Variants in GABRB3 observed in about 807,000 individuals in gnomAD.
The protein encoded by GABRB3 is gamma-aminobutyric acid type A receptor subunit beta3.
In GABRB3, 14 loss-of-function variants were observed where a neutral mutation model predicts 52.1. The ratio of observed to expected loss-of-function variants is 0.27; its 90% CI spans 0.18 to 0.42. The LOEUF (loss-of-function observed/expected upper bound fraction) is 0.42, where lower values mean the gene tolerates loss of function less well. Ranked by LOEUF, GABRB3 falls within the 10% of genes least tolerant of loss-of-function variation. GABRB3 has a pLI of 1.00. For missense variants in GABRB3, 307 were observed against 609.1 expected, an observed-to-expected ratio of 0.50 and a Z score of 5.22; for synonymous variants, 260 against 232.3, an observed-to-expected ratio of 1.12 and a Z score of -1.08.
At chr15:26,746,772 G>A (rs1174939013) in intron 3 of GABRB3, among the ~76,000 whole-genome samples, 1 of 152,036 alleles carries the variant, frequency 6.6e-6, no homozygotes, top group Non-Finnish European at 1.5e-5. Context: ...CAGATCACGA[G>A]GTCAGGAGAT....
rs189180243 is a variant in GABRB3, at chr15:26,604,221, A to G, written c.461+17093T>C. Among the ~76,000 whole-genome samples, 126 of 152,300 alleles carry G rather than the reference A, an allele frequency of 8.3e-4. No homozygotes were observed. In the East Asian group the frequency reaches 0.024, roughly 28 times the overall value. On this transcript the variant is annotated intron_variant, in intron 4 of 8. Coordinates refer to ENST00000311550, the MANE Select transcript of GABRB3 (RefSeq NM_000814.6). ...ATTACCTTAATCAAAGAAATGAAAG[A>G]TCTCTGCAATGAAAATTATAAAACA... is the stretch of plus-strand genomic sequence containing the variant.
chr15:26,645,673 A>G (rs1566789249), intron 3 of GABRB3, among the ~76,000 whole-genome samples: 1 of 152,206 alleles, frequency 6.6e-6, no homozygotes, highest in Non-Finnish European at 1.5e-5. Context: ...GCTTGGGTGC[A>G]GATGTTTGGA....
At chr15:26,638,153 C>T (rs559800927) in intron 3 of GABRB3, among the ~76,000 whole-genome samples, 1 of 152,160 alleles carries the variant, frequency 6.6e-6, no homozygotes, top group Non-Finnish European at 1.5e-5. Flanking sequence ...AGTCCCCATC[C>T]CTCATCAGCC....
intron 4 of GABRB3, among the ~76,000 whole-genome samples, chr15:26,599,971 TAG>T (rs1260467058): frequency 2.0e-5 from 3 of 151,560 alleles, no homozygotes; most frequent in East Asian, 1.9e-4. Context: ...TAAAACAATA[TAG>T]AGAGATAAAA....
Position 26,583,406 on chromosome 15 carries a change from G to A in GABRB3, c.470C>T (p.Thr157Met), listed in dbSNP as rs2140737885. The A allele has an allele frequency of 2.5e-6, 4 of 1,613,452 alleles. No individual in the cohort carries two copies. Among genetic ancestry groups the A allele is most frequent in the Non-Finnish European group, 2.5e-6 (3 of 1,179,506 alleles). ...GAGGTCCATCATGCATGCTGCTGTCGTGGTGATTCTGAAATACACAGGGTG... is the reference window on the plus strand; with the variant it reads ...GAGGTCCATCATGCATGCTGCTGTCATGGTGATTCTGAAATACACAGGGTG... ...GTVLYGLRIT[T>M]TAACMMDLRR... The change falls in exon 5 of 9, where the codon ACG becomes ATG. Residue 157 changes from threonine to methionine, a missense_variant. Physicochemically the swap from Thr to Met is moderately conservative, Grantham distance 81. Coordinates refer to ENST00000311550, the MANE Select transcript of GABRB3 (RefSeq NM_000814.6).
At chr15:26,687,161 A>T (rs943292043) in intron 3 of GABRB3, among the ~76,000 whole-genome samples, 1 of 152,166 alleles carries the variant, frequency 6.6e-6, no homozygotes, top group African/African-American at 2.4e-5. Context: ...ATGACTCTCC[A>T]CTGTGCTCCA....
intron 4 of GABRB3, among the ~76,000 whole-genome samples, chr15:26,607,657 T>C (rs1891887783): frequency 6.6e-6 from 1 of 151,976 alleles, no homozygotes; most frequent in African/African-American, 2.4e-5. Flanking sequence ...AAAACATTAA[T>C]AGTAGTGTTT....
intron 5 of GABRB3, among the ~76,000 whole-genome samples, chr15:26,582,648 C>T (rs927823516): frequency 6.6e-6 from 1 of 152,212 alleles, no homozygotes; most frequent in African/African-American, 2.4e-5. Flanking sequence ...CTTCTTACCA[C>T]AATTGTTTCA....
intron 3 of GABRB3, among the ~76,000 whole-genome samples, chr15:26,733,466 A>G (rs1390292253): frequency 6.6e-6 from 1 of 152,210 alleles, no homozygotes; most frequent in Non-Finnish European, 1.5e-5. Context: ...AAAGACATGT[A>G]CAATAAAAAC....
At chr15:26,576,015 A>G (rs1328687625) in intron 6 of GABRB3, among the ~76,000 whole-genome samples, 4 of 152,268 alleles carry the variant, frequency 2.6e-5, no homozygotes, top group Admixed American at 2.6e-4. Context: ...CAAAAACTGT[A>G]TATCCCACAT....
chr15:26,573,836 A>T lies in GABRB3; in HGVS notation c.683-6103T>A, dbSNP rs186507811. 2.6e-5 allele frequency among the ~76,000 whole-genome samples: 4 copies of T among 152,116 alleles called. No homozygotes were observed. The East Asian group carries it at 7.7e-4, about 29-fold the overall frequency. On this transcript the variant is annotated intron_variant, in intron 6 of 8. Transcript: ENST00000311550. ...AGGCCAGGGCGGGAGGATTGCTTGA[A>T]CCCAGGAGTTCAAGACCAGCCTGGG...
At chr15:26,765,320 A>C (rs1459857718) in intron 3 of GABRB3, among the ~76,000 whole-genome samples, 1 of 152,088 alleles carries the variant, frequency 6.6e-6, no homozygotes, top group East Asian at 1.9e-4. Flanking sequence ...TCTGCTTTGA[A>C]ATTAGCATAA....
At chr15:26,742,832 T>C (rs562557799) in intron 3 of GABRB3, among the ~76,000 whole-genome samples, 1 of 152,172 alleles carries the variant, frequency 6.6e-6, no homozygotes, top group South Asian at 2.1e-4. Context: ...CCAAAAGTTA[T>C]AATTCCAATT....
chr15:26,683,776 G>T (rs1327387362), intron 3 of GABRB3, among the ~76,000 whole-genome samples: 2 of 152,038 alleles, frequency 1.3e-5, no homozygotes, highest in African/African-American at 4.8e-5. Flanking sequence ...AACTATATAG[G>T]ATTATACACT....
chr15:26,701,315 C>A (rs945345977), intron 3 of GABRB3, among the ~76,000 whole-genome samples: 1 of 152,168 alleles, frequency 6.6e-6, no homozygotes, highest in Non-Finnish European at 1.5e-5. Flanking sequence ...TGGGGCAACA[C>A]TGTCTTTATT....
chr15:26,563,559 C>A (rs1190163730), intron 7 of GABRB3, among the ~76,000 whole-genome samples: 2 of 152,210 alleles, frequency 1.3e-5, no homozygotes, highest in African/African-American at 4.8e-5. Flanking sequence ...GGGTCTGTAG[C>A]CATCATTTCG....
intron 3 of GABRB3, among the ~76,000 whole-genome samples, chr15:26,760,809 G>GCGCA (rs371524450): frequency 1.3e-5 from 2 of 149,286 alleles, no homozygotes; most frequent in African/African-American, 5.0e-5. Context: ...ACACGCGCAC[G>GCGCA]CACACACACA....
rs558163650 is a variant in GABRB3 at position 26,546,522 on chromosome 15, G to A, written c.*1271C>T. On this transcript the variant is annotated 3_prime_UTR_variant, in exon 9 of 9. Transcript: ENST00000311550. The stretch of plus-strand genomic sequence containing the variant: ...TCGTTGGGTGACGCGTGGTGTGTAC[G>A]GGTCATGTTCCTGCAGAATCCTAGT... 3.9e-5 allele frequency: 6 copies of A among 152,580 alleles called. No individual in the cohort carries two copies. The highest frequency in any genetic ancestry group is 1.9e-4 in the East Asian group (1 of 5,154). The allele number at this position is 152,580 out of a possible 1,614,324, so 9.5% of individuals were successfully genotyped here. A position where few individuals can be genotyped will look rare whatever the true frequency, so the allele number is the denominator to read the frequency against.
chr15:26,559,365 G>A (rs913023826), intron 8 of GABRB3, among the ~76,000 whole-genome samples: 8 of 152,102 alleles, frequency 5.3e-5, no homozygotes, highest in African/African-American at 1.9e-4. Context: ...TCAAAAGCCG[G>A]GCAGACATTA....
Sources: gnomAD v4.1 joint callset for allele counts (sites outside exome capture counted in the v4.1 genomes callset) on GRCh38, gnomAD v4.1.1 for gene constraint, MANE v1.5 for transcripts, NCBI Gene and HGNC (gene_info 2026-07-23, HGNC 2026-07-21) for gene names.